MAL2: variants seen among roughly 807,000 people sequenced by gnomAD.
The protein encoded by MAL2 is protein MAL2.
In MAL2, 17 loss-of-function variants were observed where a neutral mutation model predicts 18.1. The ratio of observed to expected loss-of-function variants is 0.94; its 90% CI spans 0.64 to 1.41. The LOEUF is 1.41. MAL2 is among the 40% of genes most tolerant of loss of function. MAL2 has a pLI of 0.00. For synonymous variants in MAL2, 102 were observed against 102.3 expected (o/e 1.00, Z 0.02); for missense variants, 222 against 231.9 (o/e 0.96, Z 0.28).
intron 2 of MAL2, among the ~76,000 whole-genome samples, chr8:119,238,688 T>C (rs898677957): frequency 6.7e-6 from 1 of 150,144 alleles, no homozygotes; most frequent in Admixed American, 6.6e-5. Flanking sequence ...GGAATCCCTA[T>C]TTAATAAATG....
chr8:119,223,493 A>G (rs1355372563), intron 2 of MAL2: 1 of 152,202 alleles, frequency 6.6e-6, no homozygotes, highest in African/African-American at 2.4e-5. Context: ...GTAGCATTAT[A>G]TCTGATGTTC....
Position 119,223,759 on chromosome 8 carries a change from A to G in MAL2, c.303+2002A>G, listed in dbSNP as rs75631731. On this transcript the variant is annotated intron_variant, in intron 2 of 3. Transcript: ENST00000614891. ...AAGGAATTTATGAAATGTTTTCCCT[A>G]TTTCGAAAGGGCTTCTCTTTTTTTC... is the stretch of plus-strand genomic sequence containing the variant. The G allele has an allele frequency of 1.2e-4, 19 of 152,184 alleles. No individual in the cohort carries two copies. The East Asian group carries it at 3.3e-3, about 26-fold the overall frequency. 9.4% of individuals were successfully genotyped at this position (152,184 alleles called of 1,614,324 possible).
intron 1 of MAL2, among the ~76,000 whole-genome samples, chr8:119,212,774 A>G (rs1817286083): frequency 6.6e-6 from 1 of 152,206 alleles, no homozygotes; most frequent in Non-Finnish European, 1.5e-5. Flanking sequence ...CACAGAGACA[A>G]GAAGGACAAT....
intron 3 of MAL2, among the ~76,000 whole-genome samples, chr8:119,242,541 G>T (rs1587148250): frequency 6.6e-6 from 1 of 152,102 alleles, no homozygotes; most frequent in South Asian, 2.1e-4. Flanking sequence ...CAAAAAATAG[G>T]TATCAAAAGC....
chr8:119,222,682 T>A (rs1049477637), intron 2 of MAL2, among the ~76,000 whole-genome samples: 1 of 151,158 alleles, frequency 6.6e-6, no homozygotes, highest in Non-Finnish European at 1.5e-5. Context: ...ACAAAAAATA[T>A]CTGGACATGG....
Position 119,229,533 on chromosome 8 carries a change from A to G in MAL2, c.303+7776A>G, listed in dbSNP as rs193288431. On this transcript the variant is annotated intron_variant, in intron 2 of 3. Transcript: ENST00000614891. ...TTGCCATGTTGGCTAGGCTGGTCTC[A>G]AACTCCTGACCTCAAGTGATCCACC... 2.8e-3 allele frequency among the ~76,000 whole-genome samples: 429 copies of G among 152,132 alleles called. 1 individual carries two copies. The highest frequency in any genetic ancestry group is 9.7e-3 in the African/African-American group (404 of 41,502).
In MAL2 at chr8:119,240,770, A is replaced by G. The variant is rs550273235; in HGVS notation, c.459+450A>G. Among the ~76,000 whole-genome samples, 12 of 152,300 alleles carry G rather than the reference A, an allele frequency of 7.9e-5. No homozygotes were observed. In the South Asian group the frequency reaches 1.7e-3, roughly 21 times the overall value. ...TTGCTGGGTGTTGAGGATGGGGTGA[A>G]TAAGTTGCAGTTCCTGCCATTAAGG... On this transcript the variant is annotated intron_variant, in intron 3 of 3. Coordinates refer to ENST00000614891, the MANE Select transcript of MAL2 (RefSeq NM_052886.3).
chr8:119,211,730 A>G (rs1817270949), intron 1 of MAL2, among the ~76,000 whole-genome samples: 1 of 146,988 alleles, frequency 6.8e-6, no homozygotes, highest in South Asian at 2.1e-4. Flanking sequence ...TAGGGAGATA[A>G]GGTGTGTTCC....
At chr8:119,232,703 T>A (rs1056622693) in intron 2 of MAL2, among the ~76,000 whole-genome samples, 2 of 152,202 alleles carry the variant, frequency 1.3e-5, no homozygotes, top group African/African-American at 2.4e-5. Flanking sequence ...AATTACATAA[T>A]GTGTATGAAT....
chr8:119,221,497 G>A, intron 1 of MAL2, 90 bp from the exon 2 acceptor site: 1 of 1,488,312 alleles, frequency 6.7e-7, no homozygotes. Context: ...GGAAAATGAA[G>A]GCAATGCTGA....
chr8:119,233,604 C>A (rs895023058), intron 2 of MAL2, among the ~76,000 whole-genome samples: 1 of 152,308 alleles, frequency 6.6e-6, no homozygotes, highest in East Asian at 1.9e-4. Flanking sequence ...TCGACACATA[C>A]ACCCTCCCAA....
chr8:119,226,454 G>A (rs1371278145), intron 2 of MAL2, among the ~76,000 whole-genome samples: 1 of 130,866 alleles, frequency 7.6e-6, no homozygotes, highest in Non-Finnish European at 1.5e-5. Flanking sequence ...CTGAAACGAA[G>A]AGCAAACATG....
intron 2 of MAL2, among the ~76,000 whole-genome samples, chr8:119,231,022 GTTTT>G (rs962981879): frequency 6.6e-6 from 1 of 151,124 alleles, no homozygotes; most frequent in Non-Finnish European, 1.5e-5. Context: ...TGTGAGAACA[GTTTT>G]TTTTTTTATT....
rs371103386 is a variant in MAL2 at position 119,240,269 on chromosome 8, C to G, written c.408C>G (p.Thr136=). 3 of 1,613,512 alleles carry G rather than the reference C, an allele frequency of 1.9e-6. No homozygotes were observed. Among genetic ancestry groups the G allele is most frequent in the African/African-American group, 1.3e-5 (1 of 74,886 alleles). The change falls in exon 3 of 4, where the codon ACC becomes ACG. Residue 136 remains threonine, a synonymous_variant. Transcript: ENST00000614891. ...LHDLHCNTTI[T]GQPLLSDNQY... is the part of the protein sequence containing the mutation. Reference sequence around the variant, plus strand: ...ATTTGCATTGCAATACAACCATAACCGGGCAGCCACTCCTGAGTGATAACC... The same window carrying G: ...ATTTGCATTGCAATACAACCATAACGGGGCAGCCACTCCTGAGTGATAACC...
chr8:119,240,524 G>C lies in MAL2; in HGVS notation c.459+204G>C, dbSNP rs909629203. Reference sequence around the variant, plus strand: ...GTTGTGGATGATTAAACTGTAGCACGAAGAGGTTGATGTTCATGTAAGATC... The same window carrying C: ...GTTGTGGATGATTAAACTGTAGCACCAAGAGGTTGATGTTCATGTAAGATC... On this transcript the variant is annotated intron_variant, in intron 3 of 3. Transcript: ENST00000614891. Among the ~76,000 whole-genome samples the C allele has an allele frequency of 8.5e-5, 13 of 152,324 alleles. No homozygotes were observed. In the East Asian group the frequency reaches 2.5e-3, roughly 29 times the overall value.
At chr8:119,222,970 A>G (rs1171514454) in intron 2 of MAL2, among the ~76,000 whole-genome samples, 2 of 152,156 alleles carry the variant, frequency 1.3e-5, no homozygotes, top group Non-Finnish European at 2.9e-5. Flanking sequence ...TTTTAGAATG[A>G]CTCAGAGGAT....
At chr8:119,234,270 C>T (rs552003035) in intron 2 of MAL2, among the ~76,000 whole-genome samples, 6 of 152,288 alleles carry the variant, frequency 3.9e-5, no homozygotes, top group African/African-American at 1.4e-4. Context: ...AAACGGCGCA[C>T]CACGAGATTG....
At chr8:119,210,300 CTCTAA>C (rs1817250172) in intron 1 of MAL2, among the ~76,000 whole-genome samples, 1 of 151,978 alleles carries the variant, frequency 6.6e-6, no homozygotes, top group Non-Finnish European at 1.5e-5. Context: ...TCCATATGCC[CTCTAA>C]TCAAATACCA....
chr8:119,224,402 A>G (rs189230719), intron 2 of MAL2: 3 of 152,270 alleles, frequency 2.0e-5, no homozygotes, highest in Admixed American at 2.0e-4. Flanking sequence ...GGTACTAAGG[A>G]AAGATACATT....
Sources: gnomAD v4.1 joint callset for allele counts (sites outside exome capture counted in the v4.1 genomes callset) on GRCh38, gnomAD v4.1.1 for gene constraint, MANE v1.5 for transcripts, NCBI Gene and HGNC (gene_info 2026-07-23, HGNC 2026-07-21) for gene names.